Variants in SLC38A1 observed in about 807,000 individuals in gnomAD.
The protein encoded by SLC38A1 is sodium-coupled neutral amino acid symporter 1.
SLC38A1 carries 18 observed loss-of-function variants against 60.3 expected under a neutral mutation model. That is an observed-to-expected ratio of 0.30 (90% CI 0.21 to 0.44). The LOEUF is 0.44. Ranked by LOEUF, SLC38A1 falls within the 20% of genes least tolerant of loss-of-function variation. The probability of loss-of-function intolerance (pLI) is 1.00; values close to 1 mark genes in which losing one functional copy is unlikely to be tolerated. For missense variants in SLC38A1, 448 were observed against 587.2 expected, an observed-to-expected ratio of 0.76 and a Z score of 2.45; for synonymous variants, 196 against 212.1, an observed-to-expected ratio of 0.92 and a Z score of 0.66.
intron 3 of SLC38A1, among the ~76,000 whole-genome samples, chr12:46,237,450 G>A (rs1020694587): frequency 2.0e-5 from 3 of 148,818 alleles, no homozygotes; most frequent in Non-Finnish European, 2.9e-5. Flanking sequence ...TGAAGCAAGA[G>A]TCATGAACTG....
intron 16 of SLC38A1, among the ~76,000 whole-genome samples, chr12:46,193,316 TC>T (rs2136885108): frequency 1.3e-5 from 2 of 152,342 alleles, no homozygotes; most frequent in South Asian, 2.1e-4. Context: ...TGATTTCTGT[TC>T]TTTTACATTT....
At chr12:46,190,622 G>A (rs148285955) in intron 16 of SLC38A1, among the ~76,000 whole-genome samples, 4 of 152,166 alleles carry the variant, frequency 2.6e-5, no homozygotes, top group East Asian at 1.9e-4. Context: ...TTTAATGATC[G>A]CCATTTTAAC....
Position 46,201,087 on chromosome 12 carries a change from A to C in SLC38A1, c.1003+11T>G. 6.4e-7 allele frequency: 1 copy of C among 1,563,154 alleles called. No homozygotes were observed. On this transcript the variant is annotated intron_variant, in intron 13 of 16. Transcript: ENST00000398637. ...AATATTTATATTTATGTACCAGTAG[A>C]AATTACTTACCATAGAATGTCAAGT...
intron 13 of SLC38A1, among the ~76,000 whole-genome samples, chr12:46,199,417 T>G (rs1356600353): frequency 2.0e-5 from 3 of 151,516 alleles, no homozygotes; most frequent in Admixed American, 6.6e-5. Flanking sequence ...TAGTGCCATT[T>G]TGGCTCACTG....
chr12:46,248,127 T>C (rs1251901637), intron 1 of SLC38A1, among the ~76,000 whole-genome samples: 2 of 152,096 alleles, frequency 1.3e-5, no homozygotes, highest in Non-Finnish European at 1.5e-5. Context: ...ACTACATCAA[T>C]TAACGAGCAA....
intron 16 of SLC38A1, among the ~76,000 whole-genome samples, chr12:46,192,542 C>T (rs1939188796): frequency 6.6e-6 from 1 of 152,130 alleles, no homozygotes; most frequent in Non-Finnish European, 1.5e-5. Flanking sequence ...TAGAATTTGG[C>T]TCTGATTCCT....
intron 12 of SLC38A1, 69 bp from the exon 13 acceptor site, chr12:46,201,267 A>G: frequency 7.9e-7 from 1 of 1,265,500 alleles, no homozygotes; most frequent in Non-Finnish European, 1.1e-6. Flanking sequence ...TTAACATTGA[A>G]GAATACTAAT....
chr12:46,246,822 G>A (rs560208113), intron 1 of SLC38A1, among the ~76,000 whole-genome samples: 1 of 152,316 alleles, frequency 6.6e-6, no homozygotes, highest in African/African-American at 2.4e-5. Context: ...GAAGGATCAG[G>A]CAGCAATATT....
intron 5 of SLC38A1, among the ~76,000 whole-genome samples, chr12:46,226,501 A>C (rs1225569564): frequency 6.6e-6 from 1 of 152,144 alleles, no homozygotes; most frequent in African/African-American, 2.4e-5. Flanking sequence ...AATGAAAATA[A>C]AGGAAAGATT....
rs940618437 is a variant in SLC38A1, at chr12:46,188,188, T to C, written c.*782A>G. ...GAAAGTTGACTCAGACCAGAGTAAC[T>C]CTGACACAAGTTGCCAAGAGGGAAA... On this transcript the variant is annotated 3_prime_UTR_variant, in exon 17 of 17. Coordinates refer to ENST00000398637, the MANE Select transcript of SLC38A1 (RefSeq NM_030674.4). 1 of 152,220 alleles carries C rather than the reference T, an allele frequency of 6.6e-6. No homozygotes were observed. Among genetic ancestry groups the C allele is most frequent in the African/African-American group, 2.4e-5 (1 of 41,466 alleles). The allele number at this position is 152,220 out of a possible 1,614,324, so 9.4% of individuals were successfully genotyped here. A position where few individuals can be genotyped will look rare whatever the true frequency, so the allele number is the denominator to read the frequency against.
intron 1 of SLC38A1, among the ~76,000 whole-genome samples, chr12:46,258,192 T>C (rs1049528530): frequency 2.0e-4 from 31 of 152,206 alleles, no homozygotes; most frequent in Admixed American, 9.8e-4. Context: ...GTTTTATCAT[T>C]AAGGTCTTTA....
intron 16 of SLC38A1, among the ~76,000 whole-genome samples, chr12:46,192,543 T>C (rs1201331539): frequency 6.6e-6 from 1 of 152,206 alleles, no homozygotes; most frequent in African/African-American, 2.4e-5. Flanking sequence ...AGAATTTGGC[T>C]CTGATTCCTT....
At chr12:46,239,632 G>C (rs200691367) in intron 3 of SLC38A1, 47 bp downstream of exon 3, 31 of 1,605,854 alleles carry the variant, frequency 1.9e-5, no homozygotes, top group African/African-American at 1.6e-4. Flanking sequence ...TGTGAGCCAC[G>C]AGCCATTTCT....
rs761338947 is a variant in SLC38A1, at chr12:46,239,783, A to T, written c.18T>A (p.Ser6Arg). 1 of 1,613,036 alleles carries T rather than the reference A, an allele frequency of 6.2e-7. No homozygotes were observed. The highest frequency in any genetic ancestry group is 1.7e-5 in the Admixed American group (1 of 60,006). ...TTTGCAACTCAGTTAATTCGAGTCC[A>T]CTTTTGAAATGCATCATGATTAGAA... MMHFK[S>R]GLELTELQNM... Residue 6 changes from serine (S) to arginine (R), a missense_variant, in exon 3 of 17, where the codon AGT (serine) becomes AGA (arginine). Ser to Arg is a moderately radical substitution (Grantham distance 110). Around this residue, in one of 2 missense-constraint regions of SLC38A1, gnomAD observed 102 missense variants for 89.7 expected, o/e 1.14. Coordinates refer to ENST00000398637, the MANE Select transcript of SLC38A1 (RefSeq NM_030674.4).
intron 3 of SLC38A1, among the ~76,000 whole-genome samples, chr12:46,231,136 C>T (rs1170019148): frequency 1.3e-5 from 2 of 152,012 alleles, no homozygotes; most frequent in Non-Finnish European, 2.9e-5. Flanking sequence ...ATAATAAAAT[C>T]ATGTCTTTTG....
chr12:46,223,687 A>G (rs1940752242), intron 5 of SLC38A1, among the ~76,000 whole-genome samples: 1 of 152,226 alleles, frequency 6.6e-6, no homozygotes, highest in Non-Finnish European at 1.5e-5. Flanking sequence ...TTTTACACAC[A>G]TTGTACTTTT....
chr12:46,196,324 C>A (rs1320302001), intron 16 of SLC38A1: 2 of 1,531,752 alleles, frequency 1.3e-6, no homozygotes, highest in Non-Finnish European at 8.7e-7. Flanking sequence ...CTGCACATGG[C>A]ATACCATCCT....
intron 1 of SLC38A1, among the ~76,000 whole-genome samples, chr12:46,247,079 A>C (rs1941646618): frequency 6.6e-6 from 1 of 152,226 alleles, no homozygotes; most frequent in Admixed American, 6.5e-5. Context: ...ATGGGGAAAA[A>C]ATGGAGGAGA....
Position 46,244,026 on chromosome 12 carries a change from A to G in SLC38A1, c.-208-712T>C, listed in dbSNP as rs1941533051. Among the ~76,000 whole-genome samples, 3 of 152,332 alleles carry G rather than the reference A, an allele frequency of 2.0e-5. No homozygotes were observed. The South Asian group carries it at 6.2e-4, about 32-fold the overall frequency. ...AGAGCCTATTTAACCAAGCAAGACC[A>G]ACCCATCTAAAATGACACTGTACCT... is the stretch of plus-strand genomic sequence containing the variant. On this transcript the variant is annotated intron_variant, in intron 1 of 16. Coordinates refer to ENST00000398637, the MANE Select transcript of SLC38A1 (RefSeq NM_030674.4).
Sources: gnomAD v4.1 joint callset for allele counts (sites outside exome capture counted in the v4.1 genomes callset) on GRCh38, gnomAD v4.1.1 for gene constraint, gnomAD v4.1.1 regional missense constraint, MANE v1.5 for transcripts, NCBI Gene and HGNC (gene_info 2026-07-23, HGNC 2026-07-21) for gene names.